The following DNAJB13 variants were observed in gnomAD, a reference collection of about 807,000 sequenced individuals.
The protein encoded by DNAJB13 is DnaJ heat shock protein family (Hsp40) member B13, also known as dnaJ homolog subfamily B member 13.
Under a neutral mutation model 35.6 loss-of-function variants are expected in DNAJB13, and 22 were observed. The ratio of observed to expected loss-of-function variants is 0.62; its 90% CI spans 0.44 to 0.88. The LOEUF (loss-of-function observed/expected upper bound fraction) is 0.88, where lower values mean the gene tolerates loss of function less well. Among genes scored for constraint, DNAJB13 ranks in the 40% least tolerant of loss-of-function variants. The pLI is 0.00. For missense variants in DNAJB13, 370 were observed against 384.3 expected (o/e 0.96, Z 0.31); for synonymous variants, 136 against 144.2 (o/e 0.94, Z 0.41).
At chr11:73,967,458 C>A (rs1007819971) in intron 5 of DNAJB13, among the ~76,000 whole-genome samples, 4 of 152,158 alleles carry the variant, frequency 2.6e-5, no homozygotes, top group Non-Finnish European at 5.9e-5. Flanking sequence ...GAAACATCTA[C>A]CTCCGGTCTG....
intron 2 of DNAJB13, 88 bp from the exon 3 acceptor site, chr11:73,959,406 C>A: frequency 6.7e-7 from 1 of 1,482,098 alleles, no homozygotes; most frequent in South Asian, 1.3e-5. Context: ...TGCCCCTTCC[C>A]TTTCTCCATA....
At chr11:73,967,338 ATAAAT>A (rs1951146387) in intron 5 of DNAJB13, among the ~76,000 whole-genome samples, 1 of 152,224 alleles carries the variant, frequency 6.6e-6, no homozygotes. Flanking sequence ...AAATAAAAAC[ATAAAT>A]TTATTGTCCA....
intron 1 of DNAJB13, among the ~76,000 whole-genome samples, chr11:73,955,758 G>A (rs879519297): frequency 1.3e-5 from 2 of 152,104 alleles, no homozygotes; most frequent in Non-Finnish European, 2.9e-5. Flanking sequence ...CCCAGATCGC[G>A]CCACTGCACT....
At chr11:73,966,332 G>C in intron 5 of DNAJB13, 81 bp downstream of exon 5, 3 of 1,360,216 alleles carry the variant, frequency 2.2e-6, no homozygotes, top group Non-Finnish European at 3.1e-6. Flanking sequence ...AGGGAAAGGA[G>C]GCAATACTTT....
chr11:73,957,680 G>A (rs1950792594), intron 1 of DNAJB13, among the ~76,000 whole-genome samples: 1 of 152,162 alleles, frequency 6.6e-6, no homozygotes, highest in African/African-American at 2.4e-5. Flanking sequence ...GGGAAAAAAT[G>A]AGCAGAGAGA....
intron 6 of DNAJB13, 43 bp downstream of exon 6, chr11:73,968,501 T>G: frequency 6.4e-7 from 1 of 1,555,204 alleles, no homozygotes; most frequent in East Asian, 2.3e-5. Flanking sequence ...GAGATCAGAG[T>G]GAGCCCTGCC....
At position 73,955,524 on chromosome 11, in the gene DNAJB13, G is replaced by A. The variant is rs1214858557; in HGVS notation, c.69-2793G>A. 2.0e-5 allele frequency among the ~76,000 whole-genome samples: 3 copies of A among 151,862 alleles called. No homozygotes were observed. The East Asian group carries it at 5.9e-4, about 30-fold the overall frequency. On this transcript the variant is annotated intron_variant, in intron 1 of 7. Transcript: ENST00000339764. ...GGGTTTCACCATGTTGGCCAGCCTG[G>A]TCTCGAACTCCTGATCTCAAGTGAT...
chr11:73,969,194 G>C (rs1021848930), intron 6 of DNAJB13, 52 bp from the exon 7 acceptor site: 1 of 766,254 alleles, frequency 1.3e-6, no homozygotes, highest in African/African-American at 1.7e-5. Context: ...TTCTAAATAG[G>C]AGAGCCATGG....
intron 1 of DNAJB13, among the ~76,000 whole-genome samples, chr11:73,951,716 G>A (rs796511278): frequency 3.1e-4 from 47 of 152,170 alleles, no homozygotes; most frequent in African/African-American, 1.1e-3. Flanking sequence ...GCGTGATCTC[G>A]GCTCACCGCA....
intron 3 of DNAJB13, 92 bp downstream of exon 3, chr11:73,959,747 TTTATTA>T: frequency 8.3e-7 from 1 of 1,202,042 alleles, no homozygotes; most frequent in Non-Finnish European, 1.1e-6. Flanking sequence ...TTATTTTTAC[TTTATTA>T]TTTTATTTTA....
intron 3 of DNAJB13, 169 bp from the exon 4 acceptor site, chr11:73,964,709 T>C: frequency 1.4e-6 from 1 of 698,646 alleles, no homozygotes; most frequent in Admixed American, 2.6e-5. Context: ...GGTTATAGGA[T>C]GCTGGGTGTT....
At chr11:73,969,207 A>G in intron 6 of DNAJB13, 39 bp from the exon 7 acceptor site, 2 of 781,900 alleles carry the variant, frequency 2.6e-6, no homozygotes, top group Non-Finnish European at 4.3e-6. Context: ...AGCCATGGTG[A>G]CCCTCCTCAG....
chr11:73,965,989 T>C (rs532006379), intron 4 of DNAJB13, 149 bp from the exon 5 acceptor site: 2 of 714,520 alleles, frequency 2.8e-6, no homozygotes, highest in Admixed American at 2.3e-5. Flanking sequence ...CTCTTCCCAT[T>C]GCTAGAGGAT....
At chr11:73,964,596 G>C (rs1951028320) in intron 3 of DNAJB13, 1 of 374,766 alleles carries the variant, frequency 2.7e-6, no homozygotes, top group Non-Finnish European at 4.8e-6. Context: ...GGGGTGGGGG[G>C]GGAATGTCCC....
chr11:73,962,019 C>T lies in DNAJB13; in HGVS notation c.334+2364C>T, dbSNP rs188200462. Among the ~76,000 whole-genome samples the T allele has an allele frequency of 2.1e-3, 322 of 152,264 alleles. 1 individual carries two copies. The highest frequency in any genetic ancestry group is 7.5e-3 in the African/African-American group (311 of 41,556). ...GACTGGCCAGGCTGGTTTTGAACTC[C>T]TGACCTCAGGTGATCCGCCTGCGTC... On this transcript the variant is annotated intron_variant, in intron 3 of 7. Coordinates refer to ENST00000339764, the MANE Select transcript of DNAJB13 (RefSeq NM_153614.4).
intron 1 of DNAJB13, among the ~76,000 whole-genome samples, chr11:73,955,511 G>A (rs918949114): frequency 6.6e-6 from 1 of 151,906 alleles, no homozygotes; most frequent in Non-Finnish European, 1.5e-5. Context: ...GTTTCACCAT[G>A]TTGGCCAGCC....
In DNAJB13 at chr11:73,951,056, C is replaced by T. The variant is rs765466699; in HGVS notation, c.-14C>T. 5.1e-5 allele frequency: 82 copies of T among 1,613,584 alleles called. No individual in the cohort carries two copies. The highest frequency in any genetic ancestry group is 6.5e-5 in the Non-Finnish European group (77 of 1,179,860). ...CTGAGGACTATCCAGGGCCTGACTG[C>T]CAGCTAGCCAGCCATGGGCCAGGAT... On this transcript the variant is annotated 5_prime_UTR_variant, in exon 1 of 8. Coordinates refer to ENST00000339764, the MANE Select transcript of DNAJB13 (RefSeq NM_153614.4).
At chr11:73,951,632 T>G (rs1950587271) in intron 1 of DNAJB13, among the ~76,000 whole-genome samples, 1 of 152,136 alleles carries the variant, frequency 6.6e-6, no homozygotes, top group African/African-American at 2.4e-5. Flanking sequence ...GTCAGTACAT[T>G]TTTCTGAAAA....
intron 6 of DNAJB13, among the ~76,000 whole-genome samples, chr11:73,968,900 T>C (rs1365099286): frequency 6.6e-6 from 1 of 152,150 alleles, no homozygotes; most frequent in Non-Finnish European, 1.5e-5. Flanking sequence ...TGGAATGCTG[T>C]CTATTCACCT....
Sources: allele counts gnomAD v4.1 joint callset (sites outside exome capture counted in the v4.1 genomes callset), GRCh38; gene constraint gnomAD v4.1.1; transcripts MANE v1.5; gene names NCBI Gene and HGNC (gene_info 2026-07-23, HGNC 2026-07-21).